Variants in SMTN observed in about 807,000 individuals in gnomAD.
SMTN encodes the protein smoothelin.
In SMTN, 58 loss-of-function variants were observed where a neutral mutation model predicts 102.0. The observed-to-expected ratio is 0.57, with a 90% CI of 0.46 to 0.71. The LOEUF (loss-of-function observed/expected upper bound fraction) is 0.71. SMTN is among the 30% of genes least tolerant of loss of function. The pLI, the probability that SMTN is intolerant of heterozygous loss-of-function variation, is 0.00. For synonymous variants in SMTN, 478 were observed against 497.9 expected (o/e 0.96, Z 0.53); for missense variants, 1,185 against 1,241.7 (o/e 0.95, Z 0.69).
chr22:31,090,361 C>G (rs2043036708), intron 8 of SMTN, among the ~76,000 whole-genome samples, 181 bp downstream of exon 8: 1 of 151,780 alleles, frequency 6.6e-6, no homozygotes, highest in Admixed American at 6.6e-5. Flanking sequence ...GCCTCCCCCT[C>G]CACCCCCATG....
At chr22:31,080,201 C>T (rs1370864531), upstream of SMTN, among the ~76,000 whole-genome samples, 3 of 151,960 alleles carry the variant, frequency 2.0e-5, no homozygotes. Flanking sequence ...TCACAGAGGA[C>T]CTGAACCGGG....
chr22:31,077,694 TC>T (rs1333482115), upstream of SMTN, among the ~76,000 whole-genome samples: 1 of 152,116 alleles, frequency 6.6e-6, no homozygotes, highest in African/African-American at 2.4e-5. Context: ...CCCTTGCCTC[TC>T]CTTTGTCTGT....
chr22:31,074,838 G>T (rs1041742252), intron 1 of SMTN, among the ~76,000 whole-genome samples: 2 of 152,112 alleles, frequency 1.3e-5, no homozygotes, highest in Non-Finnish European at 2.9e-5. Flanking sequence ...ACAAAACACA[G>T]GTGCTGGAAG....
chr22:31,091,475 G>C lies in SMTN; in HGVS notation c.1452G>C (p.Gln484His). The change falls in exon 10 of 21, where the codon CAG becomes CAC. Residue 484 changes from glutamine (Q) to histidine (H), a missense_variant. Gln to His is a conservative substitution (Grantham distance 24). This residue lies in a region of SMTN where 1,096 missense variants were observed against 1,112.7 expected (regional missense o/e 0.98). Coordinates refer to ENST00000333137, the MANE Select transcript of SMTN (RefSeq NM_134269.3). ...TGRVLLPTGN[Q>H]RAELTLGLRA... is the part of the protein sequence containing the mutation. Reference sequence around the variant, plus strand: ...GGGTGCTGCTGCCCACAGGCAACCAGAGGGCAGGTAGGCGCCCCCCACTGC... The same window carrying C: ...GGGTGCTGCTGCCCACAGGCAACCACAGGGCAGGTAGGCGCCCCCCACTGC... The C allele has an allele frequency of 6.6e-7, 1 of 1,520,234 alleles. No individual in the cohort carries two copies. The highest frequency in any genetic ancestry group is 8.8e-7 in the Non-Finnish European group (1 of 1,137,694). 94.2% of individuals were successfully genotyped at this position (1,520,234 alleles called of 1,614,324 possible).
intron 2 of SMTN, chr22:31,085,084 G>T: frequency 2.6e-6 from 4 of 1,534,342 alleles, no homozygotes; most frequent in Non-Finnish European, 3.5e-6. Flanking sequence ...TGGGAGGAAT[G>T]GGGACGCCTG....
chr22:31,076,223 G>A (rs1009418579), intron 1 of SMTN, among the ~76,000 whole-genome samples: 1 of 152,216 alleles, frequency 6.6e-6, no homozygotes, highest in African/African-American at 2.4e-5. Context: ...CCTCCTCTGG[G>A]AAGATGCAGA....
At position 31,090,985 on chromosome 22, in the gene SMTN, C is replaced by T; in HGVS notation, c.962C>T (p.Pro321Leu). Residue 321 changes from proline to leucine, a missense_variant, in exon 10 of 21, where the codon CCT becomes CTT. Physicochemically the swap from Pro to Leu is moderately conservative, Grantham distance 98 (BLOSUM62 -3). Coordinates refer to ENST00000333137, the MANE Select transcript of SMTN (RefSeq NM_134269.3). ...NRESTPLASG[P>L]SSFQRAGSVR... ...GAGTCCACCCCCCTTGCCAGCGGAC[C>T]TTCCTCATTCCAGCGGGCTGGCTCT... 6.2e-7 allele frequency: 1 copy of T among 1,613,600 alleles called. No homozygotes were observed. Among genetic ancestry groups the T allele is most frequent in the Non-Finnish European group, 8.5e-7 (1 of 1,179,676 alleles).
intron 2 of SMTN, chr22:31,085,386 C>CGGTGGA: frequency 8.5e-7 from 1 of 1,172,148 alleles, no homozygotes; most frequent in Non-Finnish European, 1.2e-6. Flanking sequence ...CCACCGCCGG[C>CGGTGGA]GGGACCCCCA....
In SMTN at chr22:31,095,968, C is replaced by T. The variant is rs944891681; in HGVS notation, c.1861+359C>T. ...CCTTCTCCCTGCTGCTCCTCTCTCCCTGAAGTCCATTGATGGCCATCTTAG... is the reference window on the plus strand; with the variant it reads ...CCTTCTCCCTGCTGCTCCTCTCTCCTTGAAGTCCATTGATGGCCATCTTAG... On this transcript the variant is annotated intron_variant, in intron 13 of 20. Coordinates refer to ENST00000333137, the MANE Select transcript of SMTN (RefSeq NM_134269.3). The surrounding 1 kb of genome is among the most constrained non-coding windows in gnomAD (Gnocchi z 4.1). 5.6e-6 allele frequency: 2 copies of T among 357,696 alleles called. No homozygotes were observed. Among genetic ancestry groups the T allele is most frequent in the Non-Finnish European group, 1.0e-5 (2 of 193,012 alleles). The allele number at this position is 357,696 out of a possible 1,614,324, so 22.2% of individuals were successfully genotyped here. A position where few individuals can be genotyped will look rare whatever the true frequency, so the allele number is the denominator to read the frequency against.
chr22:31,089,998 T>G lies in SMTN; in HGVS notation c.771T>G (p.Thr257=), dbSNP rs1351786368. 6.2e-7 allele frequency: 1 copy of G among 1,605,326 alleles called. No homozygotes were observed. The highest frequency in any genetic ancestry group is 1.7e-5 in the Admixed American group (1 of 58,652). ...AGGAGTCTCCAACGCTCCCCAGCACTGAGGGCCAGGTGGTCAACAAGGTGA... is the reference window on the plus strand; with the variant it reads ...AGGAGTCTCCAACGCTCCCCAGCACGGAGGGCCAGGTGGTCAACAAGGTGA... ...EPQESPTLPS[T]EGQVVNKLLS... The change falls in exon 7 of 21, where the codon ACT becomes ACG. Residue 257 remains threonine (T), a synonymous_variant. Coordinates refer to ENST00000333137, the MANE Select transcript of SMTN (RefSeq NM_134269.3).
chr22:31,074,808 A>AAAC (rs990112172), intron 1 of SMTN, among the ~76,000 whole-genome samples: 97 of 97,016 alleles, frequency 1.0e-3, no homozygotes, highest in African/African-American at 3.5e-3. Flanking sequence ...AAAACAACAA[A>AAAC]AACAACAACA....
rs1454850788 is a variant in SMTN at position 31,087,960 on chromosome 22, T to C, written c.52-5T>C. ...AAAATGACCTGCCTCTCGCACCCAC[T>C]GCAGCTGGAGGTCACAGCAGATCTG... On this transcript the variant is annotated splice_region_variant and splice_polypyrimidine_tract_variant and intron_variant, in intron 2 of 20. Coordinates refer to ENST00000333137, the MANE Select transcript of SMTN (RefSeq NM_134269.3). The C allele has an allele frequency of 2.5e-6, 4 of 1,584,088 alleles. No individual in the cohort carries two copies. The highest frequency in any genetic ancestry group is 2.3e-5 in the South Asian group (2 of 88,690).
intron 1 of SMTN, chr22:31,082,391 C>A: frequency 2.5e-6 from 1 of 406,784 alleles, no homozygotes; most frequent in Non-Finnish European, 5.2e-6. Flanking sequence ...CCCTTGAGGG[C>A]ACTTTGGAAG....
intron 1 of SMTN, among the ~76,000 whole-genome samples, chr22:31,073,867 G>T (rs1051029968): frequency 1.1e-4 from 17 of 152,200 alleles, no homozygotes; most frequent in African/African-American, 3.6e-4. Context: ...GCTTACTCAT[G>T]TATCTGTGGT....
chr22:31,090,035 G>A lies in SMTN; in HGVS notation c.792+16G>A, dbSNP rs770728070. The A allele has an allele frequency of 1.2e-6, 2 of 1,609,956 alleles. No individual in the cohort carries two copies. Among genetic ancestry groups the A allele is most frequent in the East Asian group, 2.2e-5 (1 of 44,756 alleles). On this transcript the variant is annotated intron_variant, in intron 7 of 20. Coordinates refer to ENST00000333137, the MANE Select transcript of SMTN (RefSeq NM_134269.3). ...GGTCAACAAGGTGAGTCTGGATGAG[G>A]GGCAGGGATGCCAGGCAAGTGAGCA... is the stretch of plus-strand genomic sequence containing the variant.
Position 31,090,024 on chromosome 22 carries a change from G to A in SMTN, c.792+5G>A. 6.2e-7 allele frequency: 1 copy of A among 1,609,876 alleles called. No individual in the cohort carries two copies. Reference sequence around the variant, plus strand: ...GAGGGCCAGGTGGTCAACAAGGTGAGTCTGGATGAGGGGCAGGGATGCCAG... The same window carrying A: ...GAGGGCCAGGTGGTCAACAAGGTGAATCTGGATGAGGGGCAGGGATGCCAG... On this transcript the variant is annotated splice_donor_5th_base_variant and intron_variant, in intron 7 of 20. Coordinates refer to ENST00000333137, the MANE Select transcript of SMTN (RefSeq NM_134269.3).
chr22:31,104,352 C>T lies in SMTN; in HGVS notation c.*57C>T. On this transcript the variant is annotated 3_prime_UTR_variant, in exon 21 of 21. Coordinates refer to ENST00000333137, the MANE Select transcript of SMTN (RefSeq NM_134269.3). ...ACTGTGTGCCCCTGGTGGAGGTGGA[C>T]GACATGATGATCATGGGCAAGAAGC... is the stretch of plus-strand genomic sequence containing the variant. 1 of 1,614,162 alleles carries T rather than the reference C, an allele frequency of 6.2e-7. No homozygotes were observed. The highest frequency in any genetic ancestry group is 8.5e-7 in the Non-Finnish European group (1 of 1,180,018).
At chr22:31,079,629 C>G (rs937920990), upstream of SMTN, among the ~76,000 whole-genome samples, 1 of 152,242 alleles carries the variant, frequency 6.6e-6, no homozygotes, top group Non-Finnish European at 1.5e-5. Context: ...GCGCCTGACC[C>G]TCGTTCTGGA....
At chr22:31,073,372 T>G (rs2042054240) in intron 1 of SMTN, among the ~76,000 whole-genome samples, 1 of 152,102 alleles carries the variant, frequency 6.6e-6, no homozygotes, top group Admixed American at 6.5e-5. Flanking sequence ...GAAGGTCATG[T>G]TCTCATTTTT....
Sources: allele counts gnomAD v4.1 joint callset (sites outside exome capture counted in the v4.1 genomes callset), GRCh38; gene constraint gnomAD v4.1.1; regional missense constraint gnomAD v4.1.1; non-coding constraint Gnocchi (gnomAD v3.1); transcripts MANE v1.5; gene names NCBI Gene and HGNC (gene_info 2026-07-23, HGNC 2026-07-21).